The following OSBPL10 variants were observed in gnomAD, a reference collection of about 807,000 sequenced individuals.
The protein encoded by OSBPL10 is oxysterol-binding protein-related protein 10.
In OSBPL10, 49 loss-of-function variants were observed where a neutral mutation model predicts 81.7. That is an observed-to-expected ratio of 0.60 (90% CI 0.48 to 0.76). The LOEUF (loss-of-function observed/expected upper bound fraction) is 0.76. Among genes scored for constraint, OSBPL10 ranks in the 30% least tolerant of loss-of-function variants. The pLI is 0.00. For missense variants in OSBPL10, 923 were observed against 987.8 expected, an observed-to-expected ratio of 0.93 and a Z score of 0.88; for synonymous variants, 419 against 383.6, an observed-to-expected ratio of 1.09 and a Z score of -1.08.
At chr3:31,929,543 C>A (rs971534904) in intron 1 of OSBPL10, among the ~76,000 whole-genome samples, 1 of 151,762 alleles carries the variant, frequency 6.6e-6, no homozygotes, top group Non-Finnish European at 1.5e-5. Context: ...GTCAGGAGAT[C>A]GAGACCATCC....
At position 31,784,731 on chromosome 3, in the gene OSBPL10, C is replaced by T. The variant is rs562881199; in HGVS notation, c.730-36611G>A. On this transcript the variant is annotated intron_variant, in intron 4 of 11. Transcript: ENST00000396556. ...CCCAGTAACCGGGATTACAGGCATG[C>T]ACCACCATGCACAGCTGATTTTTAT... 9.2e-5 allele frequency among the ~76,000 whole-genome samples: 14 copies of T among 151,742 alleles called. 1 individual carries two copies. Among genetic ancestry groups the T allele is most frequent in the African/African-American group, 3.4e-4 (14 of 41,384 alleles).
intron 4 of OSBPL10, among the ~76,000 whole-genome samples, chr3:31,793,027 A>G (rs539535478): frequency 4.6e-5 from 7 of 152,208 alleles, no homozygotes; most frequent in Admixed American, 2.0e-4. Flanking sequence ...ACAAGTTTTC[A>G]TCTCCCTTTA....
chr3:32,052,653 G>C (rs982463039), intron 1 of OSBPL10, among the ~76,000 whole-genome samples: 8 of 152,182 alleles, frequency 5.3e-5, no homozygotes, highest in Admixed American at 4.6e-4. Flanking sequence ...GCCCTTTGCA[G>C]GGACATGGAT....
At chr3:31,965,470 T>TA (rs1268072515) in intron 1 of OSBPL10, among the ~76,000 whole-genome samples, 1 of 105,434 alleles carries the variant, frequency 9.5e-6, no homozygotes, top group Non-Finnish European at 1.8e-5. Context: ...TTATATAATA[T>TA]ATATTATATA....
chr3:31,882,529 G>T (rs976088421), intron 1 of OSBPL10, among the ~76,000 whole-genome samples: 2 of 152,242 alleles, frequency 1.3e-5, no homozygotes, highest in Non-Finnish European at 2.9e-5. Context: ...AAAATCACTG[G>T]CGTAAACTAC....
intron 9 of OSBPL10, among the ~76,000 whole-genome samples, chr3:31,669,834 G>A (rs1253456561): frequency 6.6e-6 from 1 of 152,166 alleles, no homozygotes; most frequent in Non-Finnish European, 1.5e-5. Flanking sequence ...TTTTCAAACA[G>A]ACTGGGAGGC....
chr3:31,933,754 C>G (rs936452272), intron 1 of OSBPL10, among the ~76,000 whole-genome samples: 8 of 152,030 alleles, frequency 5.3e-5, no homozygotes, highest in African/African-American at 1.9e-4. Context: ...TATTAGAACA[C>G]CCTAGGACAA....
chr3:31,720,881 CAAAAAAAA>C (rs61492992), intron 6 of OSBPL10, among the ~76,000 whole-genome samples: 1 of 66,312 alleles, frequency 1.5e-5, no homozygotes, highest in Non-Finnish European at 2.9e-5. Flanking sequence ...GACTCTGTCT[CAAAAAAAA>C]AAAAAAAAAA....
chr3:31,764,392 T>C (rs900597520), intron 4 of OSBPL10, among the ~76,000 whole-genome samples: 1 of 152,096 alleles, frequency 6.6e-6, no homozygotes, highest in East Asian at 1.9e-4. Flanking sequence ...GTATGTTTGT[T>C]GGGTGGATAA....
At chr3:31,773,953 G>A (rs1698461829) in intron 4 of OSBPL10, among the ~76,000 whole-genome samples, 1 of 152,046 alleles carries the variant, frequency 6.6e-6, no homozygotes, top group South Asian at 2.1e-4. Flanking sequence ...CACGAGGTCA[G>A]GAGTTCGAGA....
At chr3:32,065,120 T>C (rs1699768743) in intron 1 of OSBPL10, 1 of 93,562 alleles carries the variant, frequency 1.1e-5, no homozygotes, top group Non-Finnish European at 2.9e-5. Context: ...GACTGTTTCA[T>C]TTCACTGGAT....
At chr3:31,789,360 G>A (rs1011992265) in intron 4 of OSBPL10, among the ~76,000 whole-genome samples, 4 of 152,102 alleles carry the variant, frequency 2.6e-5, no homozygotes, top group African/African-American at 4.8e-5. Flanking sequence ...ACTACCAAGG[G>A]GTCTTTCTTC....
At chr3:31,922,259 TTAA>T (rs1200890264) in intron 1 of OSBPL10, among the ~76,000 whole-genome samples, 11 of 152,360 alleles carry the variant, frequency 7.2e-5, no homozygotes, top group Non-Finnish European at 1.2e-4. Context: ...ACGTAAAATG[TTAA>T]TAATAGAGAA....
At position 31,904,655 on chromosome 3, in the gene OSBPL10, C is replaced by A. The variant is rs77049135; in HGVS notation, c.282-24825G>T. Among the ~76,000 whole-genome samples, 31 of 152,296 alleles carry A rather than the reference C, an allele frequency of 2.0e-4. No homozygotes were observed. The East Asian group carries it at 5.6e-3, about 28-fold the overall frequency. ...TCACTCAGATCCTCCTAGGGTGACT[C>A]TGGGGCCACACAGTTTACTCTCTGG... On this transcript the variant is annotated intron_variant, in intron 1 of 11. Transcript: ENST00000396556.
chr3:31,674,640 C>T (rs888657624), intron 8 of OSBPL10, among the ~76,000 whole-genome samples: 4 of 150,926 alleles, frequency 2.7e-5, no homozygotes, highest in African/African-American at 4.9e-5. Flanking sequence ...GAAAAGAGTC[C>T]GACACCTCCC....
At chr3:31,926,291 C>CCCCCCG (rs962870716) in intron 1 of OSBPL10, among the ~76,000 whole-genome samples, 1 of 142,672 alleles carries the variant, frequency 7.0e-6, no homozygotes, top group African/African-American at 2.7e-5. Flanking sequence ...GTGATTTTGC[C>CCCCCCG]CCCCCAGAGG....
intron 4 of OSBPL10, among the ~76,000 whole-genome samples, chr3:31,750,393 T>A (rs535711691): frequency 1.9e-4 from 29 of 152,302 alleles, no homozygotes; most frequent in African/African-American, 6.7e-4. Context: ...ACCTATTGAA[T>A]GAATGAATCC....
At chr3:31,668,537 G>T in intron 10 of OSBPL10, 105 bp downstream of exon 10, 2 of 1,061,382 alleles carry the variant, frequency 1.9e-6, no homozygotes, top group Non-Finnish European at 1.3e-6. Context: ...ATGATTCCTG[G>T]CCTGTTTCCA....
chr3:31,922,985 A>T (rs185408177), intron 1 of OSBPL10, among the ~76,000 whole-genome samples: 197 of 152,292 alleles, frequency 1.3e-3, no homozygotes, highest in African/African-American at 4.5e-3. Flanking sequence ...CACAGTGTTT[A>T]AAAAAATCAC....
Sources: allele counts gnomAD v4.1 joint callset (sites outside exome capture counted in the v4.1 genomes callset), GRCh38; gene constraint gnomAD v4.1.1; transcripts MANE v1.5; gene names NCBI Gene and HGNC (gene_info 2026-07-23, HGNC 2026-07-21).